Variants in CPVL observed in about 807,000 individuals in gnomAD.
CPVL encodes the protein probable serine carboxypeptidase CPVL.
CPVL carries 51 observed loss-of-function variants against 63.7 expected under a neutral mutation model. The observed-to-expected ratio is 0.80, with a 90% CI of 0.64 to 1.01. The LOEUF is 1.01. Ranked by LOEUF, CPVL falls within the 50% of genes least tolerant of loss-of-function variation. The probability of loss-of-function intolerance (pLI) is 0.00; values close to 1 mark genes in which losing one functional copy is unlikely to be tolerated. For synonymous variants in CPVL, 195 were observed against 206.0 expected (o/e 0.95, Z 0.46); for missense variants, 530 against 573.1 (o/e 0.92, Z 0.77).
intron 1 of CPVL, among the ~76,000 whole-genome samples, chr7:29,135,019 C>T (rs527539063): frequency 2.6e-4 from 40 of 151,026 alleles, no homozygotes; most frequent in African/African-American, 8.3e-4. Context: ...GGGAGGATCA[C>T]TTGGGCCCCA....
intron 11 of CPVL, among the ~76,000 whole-genome samples, chr7:29,045,747 C>T (rs1789550541): frequency 6.6e-6 from 1 of 152,194 alleles, no homozygotes; most frequent in African/African-American, 2.4e-5. Flanking sequence ...TTACCATCAA[C>T]ATTTTGCCAT....
intron 1 of CPVL, among the ~76,000 whole-genome samples, chr7:29,136,753 G>A (rs1297720829): frequency 6.6e-6 from 1 of 151,988 alleles, no homozygotes; most frequent in Non-Finnish European, 1.5e-5. Context: ...TAGTTAAGAA[G>A]AACTCAAAAA....
intron 4 of CPVL, among the ~76,000 whole-genome samples, chr7:29,182,258 A>G (rs77254767): frequency 2.0e-5 from 3 of 152,360 alleles, no homozygotes; most frequent in Non-Finnish European, 4.4e-5. Flanking sequence ...AGGAGCGCAG[A>G]GGAAGGTTAG....
chr7:29,159,946 G>T (rs1415659310), intron 5 of CPVL, among the ~76,000 whole-genome samples: 1 of 152,182 alleles, frequency 6.6e-6, no homozygotes, highest in Non-Finnish European at 1.5e-5. Flanking sequence ...GGCATCCTTT[G>T]TGTGCCCATG....
chr7:29,006,653 C>T (rs762509457), intron 12 of CPVL, among the ~76,000 whole-genome samples: 31 of 152,096 alleles, frequency 2.0e-4, no homozygotes, highest in Non-Finnish European at 3.2e-4. Flanking sequence ...ACTATGTTCT[C>T]GACTCACAGC....
chr7:29,086,402 T>C (rs1489455887), intron 7 of CPVL, 82 bp downstream of exon 7: 35 of 996,248 alleles, frequency 3.5e-5, no homozygotes, highest in Non-Finnish European at 5.6e-5. Flanking sequence ...ATATATAGAT[T>C]TTAAATGAAC....
At chr7:29,093,533 T>C (rs560348547) in intron 5 of CPVL, among the ~76,000 whole-genome samples, 39 of 152,260 alleles carry the variant, frequency 2.6e-4, no homozygotes, top group African/African-American at 9.1e-4. Flanking sequence ...CTTCAGTAGG[T>C]AAGGAGTTTT....
At chr7:29,074,399 G>C (rs937843940) in intron 7 of CPVL, among the ~76,000 whole-genome samples, 2 of 152,158 alleles carry the variant, frequency 1.3e-5, no homozygotes, top group African/African-American at 4.8e-5. Flanking sequence ...GTGACAATAA[G>C]TGAACATTTA....
At chr7:29,100,788 T>C (rs1484247329) in intron 3 of CPVL, among the ~76,000 whole-genome samples, 1 of 152,326 alleles carries the variant, frequency 6.6e-6, no homozygotes, top group Non-Finnish European at 1.5e-5. Context: ...TCAATAACCC[T>C]GGAAGAAGCC....
chr7:29,131,638 G>C (rs1315784806), intron 1 of CPVL, among the ~76,000 whole-genome samples: 2 of 152,052 alleles, frequency 1.3e-5, no homozygotes, highest in African/African-American at 4.8e-5. Flanking sequence ...TCATCCTCCA[G>C]AGTAGCTGGG....
intron 12 of CPVL, among the ~76,000 whole-genome samples, chr7:29,003,170 A>G (rs1186849486): frequency 4.9e-5 from 4 of 81,808 alleles, no homozygotes; most frequent in Non-Finnish European, 1.0e-4. Flanking sequence ...ACACACACAC[A>G]CACACACACA....
intron 1 of CPVL, among the ~76,000 whole-genome samples, chr7:29,144,529 T>C (rs968954750): frequency 8.5e-5 from 13 of 152,114 alleles, no homozygotes; most frequent in African/African-American, 3.1e-4. Context: ...CCACTCCAGC[T>C]TGGGTGACAA....
intron 3 of CPVL, among the ~76,000 whole-genome samples, chr7:29,103,343 T>C (rs1787396650): frequency 6.6e-6 from 1 of 151,052 alleles, no homozygotes; most frequent in South Asian, 2.1e-4. Context: ...CCTCCCAGGT[T>C]CAAGTGATTA....
chr7:29,107,864 G>A (rs1787873719), intron 3 of CPVL, among the ~76,000 whole-genome samples: 1 of 152,208 alleles, frequency 6.6e-6, no homozygotes, highest in Non-Finnish European at 1.5e-5. Context: ...AAGTATGGTG[G>A]GGCCTGATTC....
Position 29,030,776 on chromosome 7 carries a change from C to T in CPVL, c.1138-17G>A, listed in dbSNP as rs1787949785. On this transcript the variant is annotated splice_polypyrimidine_tract_variant and intron_variant, in intron 11 of 12. Transcript: ENST00000265394. ...GATCAGAACCTGAAATGAAATCAAGCCATCAGCAAATGCAAGATTCAGGAG... is the reference window on the plus strand; with the variant it reads ...GATCAGAACCTGAAATGAAATCAAGTCATCAGCAAATGCAAGATTCAGGAG... The T allele has an allele frequency of 1.9e-6, 3 of 1,586,884 alleles. No homozygotes were observed. The highest frequency in any genetic ancestry group is 1.4e-5 in the African/African-American group (1 of 73,480).
chr7:28,996,218 T>C (rs1360301225), intron 12 of CPVL: 3 of 195,978 alleles, frequency 1.5e-5, no homozygotes, highest in Non-Finnish European at 3.1e-5. Context: ...AAGTGTTACC[T>C]GGTGAGGCCC....
Position 29,059,119 on chromosome 7 carries a change from T to G in CPVL, c.1137+4942A>C, listed in dbSNP as rs191908095. On this transcript the variant is annotated intron_variant, in intron 11 of 12. Transcript: ENST00000265394. ...TTTAAGTCTTTGTTCTCTTTACTTT[T>G]CAGTTTTGGAAGCTTTTATTTATTA... Among the ~76,000 whole-genome samples the G allele has an allele frequency of 1.3e-3, 194 of 152,274 alleles. 2 individuals are homozygous for G. The Middle Eastern group carries it at 0.014, about 11-fold the overall frequency.
At chr7:29,168,421 A>G (rs1308343348) in intron 5 of CPVL, among the ~76,000 whole-genome samples, 1 of 152,210 alleles carries the variant, frequency 6.6e-6, no homozygotes, top group East Asian at 1.9e-4. Flanking sequence ...AGAATATTCT[A>G]ATAAGCCTCC....
intron 7 of CPVL, among the ~76,000 whole-genome samples, chr7:29,084,492 G>A (rs1263832423): frequency 1.3e-5 from 2 of 152,144 alleles, no homozygotes; most frequent in Non-Finnish European, 1.5e-5. Flanking sequence ...CTGCCTGATG[G>A]TGGTACCTAG....
Sources: allele counts gnomAD v4.1 joint callset (sites outside exome capture counted in the v4.1 genomes callset), GRCh38; gene constraint gnomAD v4.1.1; transcripts MANE v1.5; gene names NCBI Gene and HGNC (gene_info 2026-07-23, HGNC 2026-07-21).